Variants in WDR20 observed in about 807,000 individuals in gnomAD.
WDR20 encodes the protein WD repeat-containing protein 20.
In WDR20, 3 loss-of-function variants were observed where a neutral mutation model predicts 38.7. That is an observed-to-expected ratio of 0.08 (90% confidence interval 0.04 to 0.20). WDR20 has a LOEUF of 0.20. WDR20 is among the 10% of genes least tolerant of loss of function. The pLI is 1.00. For missense variants in WDR20, 559 were observed against 727.7 expected, an observed-to-expected ratio of 0.77 and a Z score of 2.67; for synonymous variants, 298 against 285.6, an observed-to-expected ratio of 1.04 and a Z score of -0.44.
At chr14:102,217,793 TG>T (rs2063399964), downstream of WDR20, among the ~76,000 whole-genome samples, 1 of 152,256 alleles carries the variant, frequency 6.6e-6, no homozygotes, top group Non-Finnish European at 1.5e-5. Flanking sequence ...TGTTCAGAGC[TG>T]GAAGTCTTGG....
chr14:102,150,061 T>G (rs1391201396), intron 1 of WDR20, among the ~76,000 whole-genome samples: 2 of 152,220 alleles, frequency 1.3e-5, no homozygotes, highest in Admixed American at 6.5e-5. Context: ...CAAATCAGTT[T>G]GTGTTACAGC....
At chr14:102,199,940 C>T (rs761035234) in intron 2 of WDR20, among the ~76,000 whole-genome samples, 13 of 152,236 alleles carry the variant, frequency 8.5e-5, no homozygotes, top group Non-Finnish European at 1.9e-4. Flanking sequence ...TTGACTTTCA[C>T]AGTCTGTGAT....
chr14:102,144,532 G>A (rs1456614713), intron 1 of WDR20, among the ~76,000 whole-genome samples: 1 of 151,278 alleles, frequency 6.6e-6, no homozygotes, highest in African/African-American at 2.4e-5. Context: ...AGATGCCAAA[G>A]GTAAGGTAGC....
In WDR20 at chr14:102,150,649, T is replaced by C. The variant is rs189448105; in HGVS notation, c.249+10477T>C. ...AACTTGTACAGGTGCTCATTCTCTT[T>C]ACTTACTTGGATCTCTGCTTTAGAG... On this transcript the variant is annotated intron_variant, in intron 1 of 2. Coordinates refer to ENST00000342702, the MANE Select transcript of WDR20 (RefSeq NM_144574.4). Among the ~76,000 whole-genome samples the C allele has an allele frequency of 7.2e-5, 11 of 152,322 alleles. No individual in the cohort carries two copies. The East Asian group carries it at 2.1e-3, about 29-fold the overall frequency.
At chr14:102,206,984 G>C (rs771803595) in intron 2 of WDR20, among the ~76,000 whole-genome samples, 3 of 152,220 alleles carry the variant, frequency 2.0e-5, no homozygotes, top group Admixed American at 6.5e-5. Context: ...AGCAGCGCTG[G>C]GTTTTAGGTT....
downstream of WDR20, among the ~76,000 whole-genome samples, chr14:102,224,203 G>A (rs868453519): frequency 1.4e-4 from 21 of 151,748 alleles, no homozygotes; most frequent in African/African-American, 3.4e-4. Context: ...CACCACGCCC[G>A]GCTAATTTTT....
chr14:102,187,960 T>C (rs886233225), intron 1 of WDR20, among the ~76,000 whole-genome samples: 6 of 152,202 alleles, frequency 3.9e-5, no homozygotes, highest in African/African-American at 1.4e-4. Context: ...CTGTTAGCTA[T>C]GCCAGTAAAA....
intron 1 of WDR20, among the ~76,000 whole-genome samples, chr14:102,173,939 G>A (rs1440586511): frequency 2.6e-5 from 4 of 151,782 alleles, no homozygotes; most frequent in East Asian, 1.9e-4. Context: ...AGCTACTCGG[G>A]AGGCTGAGGC....
At chr14:102,143,710 A>C (rs2052390755) in intron 1 of WDR20, among the ~76,000 whole-genome samples, 1 of 151,816 alleles carries the variant, frequency 6.6e-6, no homozygotes, top group South Asian at 2.1e-4. Context: ...ACGCCCAGCT[A>C]ATTTTTGTAT....
chr14:102,171,854 C>G (rs1407682011), intron 1 of WDR20, among the ~76,000 whole-genome samples: 1 of 150,244 alleles, frequency 6.7e-6, no homozygotes, highest in African/African-American at 2.4e-5. Context: ...TTATATAATG[C>G]TAACGAAATA....
In WDR20 at chr14:102,139,906, T is replaced by G. The variant is rs754486063; in HGVS notation, c.-18T>G. 1.2e-6 allele frequency: 2 copies of G among 1,610,778 alleles called. No homozygotes were observed. The highest frequency in any genetic ancestry group is 1.7e-6 in the Non-Finnish European group (2 of 1,177,286). Reference sequence around the variant, plus strand: ...CGTGATCCGGGCACTTAGGGCAGGATGAACGCTGCTTTCCAAGATGGCGAC... The same window carrying G: ...CGTGATCCGGGCACTTAGGGCAGGAGGAACGCTGCTTTCCAAGATGGCGAC... On this transcript the variant is annotated 5_prime_UTR_variant, in exon 1 of 3. It removes an upstream start codon present in the reference 5' UTR. Coordinates refer to ENST00000342702, the MANE Select transcript of WDR20 (RefSeq NM_144574.4).
chr14:102,195,343 G>A (rs1304147119), intron 2 of WDR20, among the ~76,000 whole-genome samples: 3 of 152,094 alleles, frequency 2.0e-5, no homozygotes, highest in African/African-American at 7.2e-5. Flanking sequence ...GCATGCTCAG[G>A]TGTCTATAAC....
rs192247896 is a variant in WDR20 at position 102,185,016 on chromosome 14, T to G, written c.250-9922T>G. 2.9e-3 allele frequency among the ~76,000 whole-genome samples: 440 copies of G among 152,284 alleles called. 4 individuals are homozygous for G. Among genetic ancestry groups the G allele is most frequent in the African/African-American group, 0.01 (418 of 41,550 alleles). On this transcript the variant is annotated intron_variant, in intron 1 of 2. Transcript: ENST00000342702. The stretch of plus-strand genomic sequence containing the variant: ...TTGAGAATGAAGGAGGAATGGAAAC[T>G]AAGAAAGAGAAGCTACTGTTTTGTT...
chr14:102,224,319 C>T (rs1384169340), downstream of WDR20, among the ~76,000 whole-genome samples: 3 of 152,034 alleles, frequency 2.0e-5, no homozygotes, highest in African/African-American at 4.8e-5. Flanking sequence ...GGATTACAGG[C>T]GTGAGCCACT....
At chr14:102,168,469 G>A (rs1170327828) in intron 1 of WDR20, among the ~76,000 whole-genome samples, 1 of 151,878 alleles carries the variant, frequency 6.6e-6, no homozygotes, top group Non-Finnish European at 1.5e-5. Flanking sequence ...TAGGTCCCTA[G>A]TACCGAGTAT....
At position 102,208,052 on chromosome 14, in the gene WDR20, A is replaced by G. The variant is rs1015555484; in HGVS notation, c.433-551A>G. On this transcript the variant is annotated intron_variant, in intron 2 of 2. Coordinates refer to ENST00000342702, the MANE Select transcript of WDR20 (RefSeq NM_144574.4). The surrounding 1 kb of genome is among the most constrained non-coding windows in gnomAD (Gnocchi z 5.6). ...TTTGGAGTTGTGTGTGCTGCCAGCC[A>G]TGGACTGTGGATTTCACTCCCCACC... Among the ~76,000 whole-genome samples the G allele has an allele frequency of 6.6e-6, 1 of 152,160 alleles. No homozygotes were observed. Among genetic ancestry groups the G allele is most frequent in the African/African-American group, 2.4e-5 (1 of 41,434 alleles).
chr14:102,188,078 C>T (rs2065304732), intron 1 of WDR20, among the ~76,000 whole-genome samples: 1 of 152,150 alleles, frequency 6.6e-6, no homozygotes, highest in African/African-American at 2.4e-5. Flanking sequence ...ATAAAACTAC[C>T]TTTATTACCT....
At chr14:102,200,620 CTG>C (rs376097459) in intron 2 of WDR20, among the ~76,000 whole-genome samples, 2 of 151,990 alleles carry the variant, frequency 1.3e-5, no homozygotes, top group African/African-American at 4.8e-5. Flanking sequence ...ACCTTGTTGT[CTG>C]TGTAAAAATC....
rs111641185 is a variant in WDR20, at chr14:102,220,873, A to G, written c.1693-1957A>G. On this transcript the variant is annotated intron_variant, in intron 3 of 3. Coordinates refer to the WDR20 transcript ENST00000335263. This position sits in a 1 kb window ranked among gnomAD's most constrained non-coding sequence, Gnocchi z 4.2. Reference sequence around the variant, plus strand: ...ACCCTGCATCTCCTGGGCTCAAGCCATCCTCCTGCCACACAGCCTCCTGAG... The same window carrying G: ...ACCCTGCATCTCCTGGGCTCAAGCCGTCCTCCTGCCACACAGCCTCCTGAG... 1.3e-5 allele frequency among the ~76,000 whole-genome samples: 2 copies of G among 152,100 alleles called. No individual in the cohort carries two copies. Among genetic ancestry groups the G allele is most frequent in the African/African-American group, 4.8e-5 (2 of 41,492 alleles).
Sources: gnomAD v4.1 joint callset for allele counts (sites outside exome capture counted in the v4.1 genomes callset) on GRCh38, gnomAD v4.1.1 for gene constraint, Gnocchi (gnomAD v3.1) non-coding constraint, MANE v1.5 for transcripts, NCBI Gene and HGNC (gene_info 2026-07-23, HGNC 2026-07-21) for gene names.